The following SCHIP1 variants were observed in gnomAD, a reference collection of about 807,000 sequenced individuals.
The protein encoded by SCHIP1 is schwannomin-interacting protein 1.
SCHIP1 carries 8 observed loss-of-function variants against 29.7 expected under a neutral mutation model. The observed-to-expected ratio is 0.27, with a 90% CI of 0.16 to 0.49. SCHIP1 has a LOEUF of 0.49. SCHIP1 is among the 20% of genes least tolerant of loss of function. SCHIP1 has a pLI of 0.99. For missense variants in SCHIP1, 193 were observed against 294.6 expected (o/e 0.66, Z 2.52); for synonymous variants, 76 against 94.9 (o/e 0.80, Z 1.16).
the SCHIP1 span, among the ~76,000 whole-genome samples, chr3:159,422,461 C>A: frequency 6.6e-6 from 1 of 152,160 alleles, no homozygotes; most frequent in East Asian, 1.9e-4. Context: ...TTTATTAAAT[C>A]TTTTATTGAC....
chr3:159,425,653 G>C, the SCHIP1 span, among the ~76,000 whole-genome samples: 8 of 152,176 alleles, frequency 5.3e-5, no homozygotes, highest in South Asian at 1.5e-3. Flanking sequence ...AGTTAACAAG[G>C]ATACCCAGGA....
intron 4 of SCHIP1, chr3:159,888,577 A>G (rs1267705906): frequency 2.5e-6 from 1 of 403,058 alleles, no homozygotes; most frequent in African/African-American, 2.1e-5. Context: ...CTCACAACCC[A>G]TATTAAAGAC....
the SCHIP1 span, among the ~76,000 whole-genome samples, chr3:159,382,362 A>AT: frequency 2.7e-5 from 4 of 148,520 alleles, no homozygotes; most frequent in East Asian, 2.0e-4. Flanking sequence ...GCGGTGTTTG[A>AT]TTTTTTGTTC....
the SCHIP1 span, among the ~76,000 whole-genome samples, chr3:159,771,388 A>C: frequency 6.6e-6 from 1 of 152,360 alleles, no homozygotes; most frequent in East Asian, 1.9e-4. Context: ...GTGATTCTGC[A>C]GCCTGGGGCA....
At chr3:159,620,150 G>A in the SCHIP1 span, among the ~76,000 whole-genome samples, 1 of 152,158 alleles carries the variant, frequency 6.6e-6, no homozygotes, top group South Asian at 2.1e-4. Context: ...TACCCTCTGT[G>A]CTTGCTCCCT....
the SCHIP1 span, among the ~76,000 whole-genome samples, chr3:159,640,199 A>G: frequency 1.3e-5 from 2 of 152,152 alleles, no homozygotes; most frequent in South Asian, 4.1e-4. Flanking sequence ...TAACAACAAA[A>G]AGTCTGTTTG....
At chr3:159,474,582 T>G in the SCHIP1 span, among the ~76,000 whole-genome samples, 22,267 of 150,724 alleles carry the variant, frequency 0.15, 1,692 homozygotes, top group Middle Eastern at 0.16. Flanking sequence ...AATAATAGAA[T>G]ATATGTAAAT....
At chr3:159,843,475 C>A (rs1192988239) in intron 1 of SCHIP1, among the ~76,000 whole-genome samples, 1 of 151,958 alleles carries the variant, frequency 6.6e-6, no homozygotes, top group Non-Finnish European at 1.5e-5. Context: ...AGAATAGGTC[C>A]TCAAGTAATA....
At chr3:159,467,813 T>G in the SCHIP1 span, among the ~76,000 whole-genome samples, 1 of 152,136 alleles carries the variant, frequency 6.6e-6, no homozygotes, top group African/African-American at 2.4e-5. Context: ...GATGAGTTAT[T>G]ATGGAATGTT....
chr3:159,696,770 C>G, the SCHIP1 span, among the ~76,000 whole-genome samples: 1 of 152,148 alleles, frequency 6.6e-6, no homozygotes, highest in Admixed American at 6.6e-5. Context: ...CTAAGGGAGC[C>G]ATCCTTTGGT....
At chr3:159,809,322 CT>C in the SCHIP1 span, among the ~76,000 whole-genome samples, 2 of 152,054 alleles carry the variant, frequency 1.3e-5, no homozygotes, top group African/African-American at 4.8e-5. Flanking sequence ...TGAACTCATC[CT>C]TTTTTATGGC....
chr3:159,321,027 C>T, the SCHIP1 span, among the ~76,000 whole-genome samples: 2 of 152,154 alleles, frequency 1.3e-5, no homozygotes, highest in African/African-American at 2.4e-5. Context: ...TGCAGTGGCA[C>T]GATCTCAGCT....
At chr3:159,743,670 GA>G in the SCHIP1 span, among the ~76,000 whole-genome samples, 4 of 152,164 alleles carry the variant, frequency 2.6e-5, no homozygotes, top group Admixed American at 1.3e-4. Context: ...AGTACTTAGA[GA>G]ATGGGGGCAG....
chr3:159,672,584 C>T, the SCHIP1 span, among the ~76,000 whole-genome samples: 6 of 152,174 alleles, frequency 3.9e-5, no homozygotes, highest in African/African-American at 1.2e-4. Context: ...TTTTGGTTGT[C>T]ATACTTGATG....
At chr3:159,648,109 G>GAAAAGAAAA in the SCHIP1 span, among the ~76,000 whole-genome samples, 1 of 152,152 alleles carries the variant, frequency 6.6e-6, no homozygotes. Flanking sequence ...GAAAGGAACA[G>GAAAAGAAAA]AAATAGAAAG....
the SCHIP1 span, among the ~76,000 whole-genome samples, chr3:159,732,983 G>T: frequency 2.0e-5 from 3 of 152,222 alleles, no homozygotes; most frequent in Non-Finnish European, 4.4e-5. Context: ...AGGTGGGGGT[G>T]CATGTGTGAA....
the SCHIP1 span, among the ~76,000 whole-genome samples, chr3:159,515,152 T>G: frequency 6.6e-6 from 1 of 152,030 alleles, no homozygotes; most frequent in South Asian, 2.1e-4. Context: ...TCTCTCCTTC[T>G]GTCTTGCTCC....
the SCHIP1 span, among the ~76,000 whole-genome samples, chr3:159,508,453 G>T: frequency 2.6e-5 from 4 of 151,840 alleles, no homozygotes; most frequent in Admixed American, 2.6e-4. Context: ...GGGTTTTTTG[G>T]TGTCTCTATT....
At chr3:159,882,299 A>G (rs538003521) in intron 2 of SCHIP1, among the ~76,000 whole-genome samples, 2 of 152,322 alleles carry the variant, frequency 1.3e-5, no homozygotes, top group African/African-American at 4.8e-5. Flanking sequence ...TTAAAATTCA[A>G]TGCAACAGTT....
Sources: gnomAD v4.1 joint callset for allele counts (sites outside exome capture counted in the v4.1 genomes callset) on GRCh38, gnomAD v4.1.1 for gene constraint, MANE v1.5 for transcripts, NCBI Gene and HGNC (gene_info 2026-07-23, HGNC 2026-07-21) for gene names.